Variants in TMPRSS15 observed in about 807,000 individuals in gnomAD.
The protein encoded by TMPRSS15 is enteropeptidase.
In TMPRSS15, 128 loss-of-function variants were observed where a neutral mutation model predicts 125.3. That is an observed-to-expected ratio of 1.02 (90% CI 0.89 to 1.18). The LOEUF (loss-of-function observed/expected upper bound fraction) is 1.18. Among genes scored for constraint, TMPRSS15 ranks in the 50% most tolerant of loss-of-function variants. TMPRSS15 has a pLI of 0.00. For missense variants in TMPRSS15, 1,283 were observed against 1,212.7 expected (o/e 1.06, Z -0.86); for synonymous variants, 446 against 423.2 (o/e 1.05, Z -0.66).
intron 18 of TMPRSS15, among the ~76,000 whole-genome samples, chr21:18,301,918 C>T (rs10482896): frequency 0.03 from 4,627 of 152,056 alleles, 213 homozygotes; most frequent in African/African-American, 0.1. Flanking sequence ...TCATAGATGG[C>T]GTATAAAAAT....
At chr21:18,474,727 G>C (rs1437931019) in intron 1 of TMPRSS15, among the ~76,000 whole-genome samples, 4 of 152,176 alleles carry the variant, frequency 2.6e-5, no homozygotes, top group African/African-American at 9.6e-5. Context: ...AACAAAAGAT[G>C]TTACTGGGTT....
chr21:18,465,143 G>C (rs1252043432), intron 1 of TMPRSS15, among the ~76,000 whole-genome samples: 1 of 151,986 alleles, frequency 6.6e-6, no homozygotes, highest in African/African-American at 2.4e-5. Flanking sequence ...CACATAAACA[G>C]AACCAATGAC....
At chr21:18,433,331 G>GAA (rs2076220325) in intron 1 of TMPRSS15, among the ~76,000 whole-genome samples, 1 of 152,112 alleles carries the variant, frequency 6.6e-6, no homozygotes, top group African/African-American at 2.4e-5. Context: ...CTCTTGTGTT[G>GAA]AAAATAAAGG....
intron 21 of TMPRSS15, among the ~76,000 whole-genome samples, chr21:18,284,044 T>C (rs547698385): frequency 2.5e-4 from 38 of 152,362 alleles, no homozygotes; most frequent in African/African-American, 8.9e-4. Context: ...ACATTCTTGA[T>C]AATTTCCAAA....
At chr21:18,417,056 A>C (rs895229305) in intron 1 of TMPRSS15, among the ~76,000 whole-genome samples, 4 of 152,236 alleles carry the variant, frequency 2.6e-5, no homozygotes, top group Admixed American at 2.0e-4. Context: ...CTGTGCTTGA[A>C]TATCAAACCA....
intron 1 of TMPRSS15, among the ~76,000 whole-genome samples, chr21:18,448,634 T>G (rs982918452): frequency 6.6e-6 from 1 of 152,162 alleles, no homozygotes; most frequent in African/African-American, 2.4e-5. Flanking sequence ...AACTTGAATT[T>G]ATTACTCTAT....
chr21:18,438,630 A>G (rs2076234688), intron 1 of TMPRSS15, among the ~76,000 whole-genome samples: 1 of 152,180 alleles, frequency 6.6e-6, no homozygotes. Flanking sequence ...TCTATCACAA[A>G]TACCGTCTCA....
At chr21:18,286,104 T>C (rs1046121245) in intron 21 of TMPRSS15, among the ~76,000 whole-genome samples, 3 of 152,208 alleles carry the variant, frequency 2.0e-5, no homozygotes, top group Admixed American at 6.5e-5. Context: ...GAATCATCTT[T>C]GAACTCTTTT....
chr21:18,383,608 A>C lies in TMPRSS15; in HGVS notation c.496+19T>G. Reference sequence around the variant, plus strand: ...CATAGCTTAATGATTCAAAGAAATCAAATAATGTTCACACATACCTAGGAT... The same window carrying C: ...CATAGCTTAATGATTCAAAGAAATCCAATAATGTTCACACATACCTAGGAT... On this transcript the variant is annotated intron_variant, in intron 4 of 24. Transcript: ENST00000284885. 3 of 1,612,564 alleles carry C rather than the reference A, an allele frequency of 1.9e-6. No individual in the cohort carries two copies. The highest frequency in any genetic ancestry group is 2.5e-6 in the Non-Finnish European group (3 of 1,179,508).
chr21:18,438,135 A>C (rs920107823), intron 1 of TMPRSS15, among the ~76,000 whole-genome samples: 4 of 151,016 alleles, frequency 2.6e-5, no homozygotes, highest in Non-Finnish European at 5.9e-5. Flanking sequence ...ACCATGGAAT[A>C]CTATGCAGCC....
At chr21:18,388,932 A>C (rs2075968223) in intron 3 of TMPRSS15, among the ~76,000 whole-genome samples, 1 of 152,036 alleles carries the variant, frequency 6.6e-6, no homozygotes, top group Admixed American at 6.6e-5. Context: ...GAGATTATAC[A>C]CTCTGGAAAC....
At chr21:18,322,284 T>G (rs1349731250) in intron 16 of TMPRSS15, among the ~76,000 whole-genome samples, 1 of 152,146 alleles carries the variant, frequency 6.6e-6, no homozygotes, top group Non-Finnish European at 1.5e-5. Context: ...AGTACAGCCA[T>G]TATGAAAACC....
intron 1 of TMPRSS15, among the ~76,000 whole-genome samples, chr21:18,435,720 T>G (rs1163660864): frequency 6.6e-6 from 1 of 152,182 alleles, no homozygotes; most frequent in Non-Finnish European, 1.5e-5. Context: ...CAGTTCCTCC[T>G]TGTACCTCTG....
intron 1 of TMPRSS15, among the ~76,000 whole-genome samples, chr21:18,431,705 G>T (rs941341851): frequency 6.6e-6 from 1 of 151,958 alleles, no homozygotes; most frequent in Non-Finnish European, 1.5e-5. Context: ...TTTCTCATAT[G>T]CATAAAATTT....
chr21:18,458,953 A>G (rs191192753), intron 1 of TMPRSS15, among the ~76,000 whole-genome samples: 128 of 152,116 alleles, frequency 8.4e-4, no homozygotes, highest in African/African-American at 3.0e-3. Flanking sequence ...GTTATTTATT[A>G]TTTGTCTTGT....
chr21:18,343,727 A>C, intron 11 of TMPRSS15, 71 bp from the exon 12 acceptor site: 1 of 1,509,504 alleles, frequency 6.6e-7, no homozygotes, highest in Admixed American at 1.8e-5. Context: ...GAGCTTTTCT[A>C]CATTTTTTAC....
intron 4 of TMPRSS15, among the ~76,000 whole-genome samples, chr21:18,382,680 G>A (rs775125521): frequency 1.3e-5 from 2 of 152,066 alleles, no homozygotes; most frequent in African/African-American, 2.4e-5. Flanking sequence ...AGATATTTAT[G>A]TATTGGCTAA....
At chr21:18,329,955 C>T (rs1306855451) in intron 14 of TMPRSS15, among the ~76,000 whole-genome samples, 1 of 151,914 alleles carries the variant, frequency 6.6e-6, no homozygotes, top group Admixed American at 6.6e-5. Context: ...CTGCTCTTTT[C>T]TCAGATGCAG....
intron 21 of TMPRSS15, among the ~76,000 whole-genome samples, chr21:18,281,563 C>T (rs778487231): frequency 1.6e-4 from 24 of 152,100 alleles, no homozygotes; most frequent in Non-Finnish European, 3.2e-4. Context: ...TTCTAATGTA[C>T]TGGGTCTGGA....
Sources: allele counts gnomAD v4.1 joint callset (sites outside exome capture counted in the v4.1 genomes callset), GRCh38; gene constraint gnomAD v4.1.1; transcripts MANE v1.5; gene names NCBI Gene and HGNC (gene_info 2026-07-23, HGNC 2026-07-21).